The following MALRD1 variants were observed in gnomAD, a reference collection of about 807,000 sequenced individuals.
MALRD1 encodes the protein MAM and LDL-receptor class A domain-containing protein 1.
In MALRD1, 247 loss-of-function variants were observed where a neutral mutation model predicts 242.1. That is an observed-to-expected ratio of 1.02 (90% CI 0.92 to 1.13). The LOEUF is 1.13. Among genes scored for constraint, MALRD1 ranks in the 50% most tolerant of loss-of-function variants. MALRD1 has a pLI of 0.00. For missense variants in MALRD1, 2,989 were observed against 2,533.1 expected (o/e 1.18, Z -3.86); for synonymous variants, 995 against 866.6 (o/e 1.15, Z -2.60).
chr10:19,551,744 TC>T (rs1335279992), intron 32 of MALRD1, among the ~76,000 whole-genome samples: 1 of 152,154 alleles, frequency 6.6e-6, no homozygotes, highest in Non-Finnish European at 1.5e-5. Context: ...CTTGTATGGC[TC>T]TTATTTTGAG....
chr10:19,166,801 G>C (rs1424646036), intron 13 of MALRD1, among the ~76,000 whole-genome samples: 11 of 152,170 alleles, frequency 7.2e-5, no homozygotes. Context: ...TCTTCTGGAT[G>C]ACATTTGAAA....
At chr10:19,324,126 T>A in intron 22 of MALRD1, 21 bp downstream of exon 22, 5 of 1,541,668 alleles carry the variant, frequency 3.2e-6, no homozygotes, top group Non-Finnish European at 4.4e-6. Context: ...GGCAATCACA[T>A]TTTCTGAATT....
In MALRD1 at chr10:19,719,171, C is replaced by T. The variant is rs1325171849; in HGVS notation, c.6315-11535C>T. Reference sequence around the variant, plus strand: ...TGTCCAAATTATATATATATATATACATACATATATATATATATACATACA... The same window carrying T: ...TGTCCAAATTATATATATATATATATATACATATATATATATATACATACA... On this transcript the variant is annotated intron_variant, in intron 38 of 39. Coordinates refer to ENST00000454679, the MANE Select transcript of MALRD1 (RefSeq NM_001142308.3). Among the ~76,000 whole-genome samples the T allele has an allele frequency of 7.9e-4, 55 of 69,588 alleles. 2 individuals are homozygous for T. The highest frequency in any genetic ancestry group is 2.4e-3 in the Admixed American group (14 of 5,732). 45.7% of individuals were successfully genotyped at this position (69,588 alleles called of 152,430 possible). A position where few individuals can be genotyped will look rare whatever the true frequency, so the allele number is the denominator to read the frequency against.
chr10:19,067,337 T>A (rs1245633518), intron 2 of MALRD1, among the ~76,000 whole-genome samples: 1 of 152,116 alleles, frequency 6.6e-6, no homozygotes, highest in Non-Finnish European at 1.5e-5. Flanking sequence ...GAGCCAGAAA[T>A]TTCTTCATTT....
At chr10:19,702,268 A>C (rs535933843) in intron 38 of MALRD1, among the ~76,000 whole-genome samples, 2 of 152,336 alleles carry the variant, frequency 1.3e-5, no homozygotes, top group African/African-American at 4.8e-5. Flanking sequence ...TTAATTTTTC[A>C]CTGTTCCCAT....
rs1051810581 is a variant in MALRD1 at position 19,078,164 on chromosome 10, A to G, written c.341-9676A>G. 4.0e-5 allele frequency among the ~76,000 whole-genome samples: 6 copies of G among 151,214 alleles called. No homozygotes were observed. The Admixed American group carries it at 4.0e-4, about 10-fold the overall frequency. On this transcript the variant is annotated intron_variant, in intron 2 of 39. Transcript: ENST00000454679. ...CATTTTATTTATTTATTCATTTTTT[A>G]TTATACTTTAAGTTCTAGGGTACAT...
chr10:19,492,806 A>G (rs1318753017), intron 30 of MALRD1, among the ~76,000 whole-genome samples: 4 of 152,300 alleles, frequency 2.6e-5, no homozygotes, highest in African/African-American at 4.8e-5. Context: ...TTCAATGGGA[A>G]AATACATCAA....
intron 29 of MALRD1, among the ~76,000 whole-genome samples, chr10:19,484,613 C>A (rs968507985): frequency 6.6e-6 from 1 of 151,904 alleles, no homozygotes; most frequent in Non-Finnish European, 1.5e-5. Context: ...TTAATGAAAC[C>A]ATATAATATG....
chr10:19,596,934 A>C (rs769832365), intron 34 of MALRD1, among the ~76,000 whole-genome samples: 3 of 152,074 alleles, frequency 2.0e-5, no homozygotes, highest in Non-Finnish European at 4.4e-5. Flanking sequence ...GGGCTATTTT[A>C]GGGTCCTGTG....
At chr10:19,492,212 A>G (rs1420046594) in intron 30 of MALRD1, among the ~76,000 whole-genome samples, 2 of 152,178 alleles carry the variant, frequency 1.3e-5, no homozygotes, top group South Asian at 2.1e-4. Flanking sequence ...ATATGAGCAG[A>G]TATTTAAATT....
intron 19 of MALRD1, among the ~76,000 whole-genome samples, chr10:19,274,808 G>T (rs897104866): frequency 6.6e-6 from 1 of 152,140 alleles, no homozygotes; most frequent in Non-Finnish European, 1.5e-5. Context: ...AAAGGTGCTT[G>T]CCGAGAGCTG....
At chr10:19,115,376 G>A (rs565367593) in intron 5 of MALRD1, among the ~76,000 whole-genome samples, 1 of 151,584 alleles carries the variant, frequency 6.6e-6, no homozygotes, top group South Asian at 2.1e-4. Flanking sequence ...CCCATGACAC[G>A]AATTTACCTA....
chr10:19,148,506 T>C (rs1316386043), intron 11 of MALRD1, among the ~76,000 whole-genome samples: 1 of 152,012 alleles, frequency 6.6e-6, no homozygotes, highest in Non-Finnish European at 1.5e-5. Flanking sequence ...ATAAGAAGAC[T>C]AGGAAAAACA....
At chr10:19,315,224 A>G (rs1842614159) in intron 21 of MALRD1, among the ~76,000 whole-genome samples, 1 of 112,222 alleles carries the variant, frequency 8.9e-6, no homozygotes, top group Admixed American at 1.1e-4. Flanking sequence ...ATAAATATAT[A>G]AATATAATTT....
rs34607801 is a variant in MALRD1, at chr10:19,179,620, AC to A, written c.1951+4299del. Among the ~76,000 whole-genome samples the A allele has an allele frequency of 2.6e-5, 4 of 151,812 alleles. No homozygotes were observed. The South Asian group carries it at 6.3e-4, about 24-fold the overall frequency. ...GTGACAGAGAGAGACCCTGTCTGCC[AC>A]CCCCCCATAAAAAAGAGGGTAGATC... On this transcript the variant is annotated intron_variant, in intron 14 of 39. Transcript: ENST00000454679.
intron 21 of MALRD1, among the ~76,000 whole-genome samples, chr10:19,295,004 A>T (rs537567983): frequency 6.6e-6 from 1 of 152,038 alleles, no homozygotes; most frequent in Non-Finnish European, 1.5e-5. Flanking sequence ...CTATTTATTA[A>T]TATTTTTATG....
chr10:19,168,301 C>T (rs904713710), intron 13 of MALRD1, among the ~76,000 whole-genome samples: 2 of 152,118 alleles, frequency 1.3e-5, no homozygotes, highest in East Asian at 3.9e-4. Flanking sequence ...AGGAGCAGGG[C>T]AATGAAATCA....
intron 26 of MALRD1, among the ~76,000 whole-genome samples, chr10:19,371,124 G>A (rs1845356653): frequency 6.6e-6 from 1 of 150,440 alleles, no homozygotes. Context: ...AAAGCCAGGT[G>A]TGGTGGCATG....
intron 36 of MALRD1, among the ~76,000 whole-genome samples, chr10:19,640,409 G>A (rs917609862): frequency 6.6e-6 from 1 of 152,074 alleles, no homozygotes; most frequent in African/African-American, 2.4e-5. Context: ...TCTACTCACT[G>A]GCTGACATTC....
Sources: allele counts gnomAD v4.1 joint callset (sites outside exome capture counted in the v4.1 genomes callset), GRCh38; gene constraint gnomAD v4.1.1; transcripts MANE v1.5; gene names NCBI Gene and HGNC (gene_info 2026-07-23, HGNC 2026-07-21).